CNBD1: variants seen among roughly 807,000 people sequenced by gnomAD.
CNBD1 encodes cyclic nucleotide-binding domain-containing protein 1.
CNBD1 carries 71 observed loss-of-function variants against 54.4 expected under a neutral mutation model. That is an observed-to-expected ratio of 1.30 (90% CI 1.08 to 1.59). CNBD1 has a LOEUF of 1.59. CNBD1 is among the 40% of genes most tolerant of loss of function. The pLI is 0.00. For missense variants in CNBD1, 659 were observed against 518.0 expected, an observed-to-expected ratio of 1.27 and a Z score of -2.64; for synonymous variants, 182 against 170.7, an observed-to-expected ratio of 1.07 and a Z score of -0.51.
chr8:87,254,194 A>T (rs1341041121), intron 6 of CNBD1, among the ~76,000 whole-genome samples: 1 of 152,202 alleles, frequency 6.6e-6, no homozygotes, highest in East Asian at 1.9e-4. Flanking sequence ...AGTGAAGAAC[A>T]GAGACCTGAG....
intron 10 of CNBD1, among the ~76,000 whole-genome samples, chr8:87,358,932 C>G (rs139106871): frequency 1.3e-5 from 2 of 152,196 alleles, no homozygotes; most frequent in African/African-American, 4.8e-5. Flanking sequence ...TATTCAGGCC[C>G]GCAATGGATT....
At chr8:87,198,909 C>T (rs910376090) in intron 4 of CNBD1, among the ~76,000 whole-genome samples, 4 of 152,158 alleles carry the variant, frequency 2.6e-5, no homozygotes, top group African/African-American at 9.7e-5. Context: ...CTGGTGCGGG[C>T]ATCTGCTCAG....
At chr8:87,131,929 G>A (rs546497163) in intron 4 of CNBD1, among the ~76,000 whole-genome samples, 2 of 152,066 alleles carry the variant, frequency 1.3e-5, no homozygotes, top group South Asian at 4.1e-4. Context: ...TATTCTTTGT[G>A]CTAGTTTGTT....
chr8:87,397,523 T>C (rs889864270), intron 2 of CNBD1, among the ~76,000 whole-genome samples: 4 of 151,964 alleles, frequency 2.6e-5, no homozygotes, highest in African/African-American at 9.7e-5. Flanking sequence ...AGATAGTTCA[T>C]GACAAGAGAC....
rs577639259 is a variant in CNBD1 at position 87,242,503 on chromosome 8, G to A, written c.771+5391G>A. Among the ~76,000 whole-genome samples, 224 of 152,086 alleles carry A rather than the reference G, an allele frequency of 1.5e-3. 1 individual carries two copies. The highest frequency in any genetic ancestry group is 6.8e-3 in the Middle Eastern group (2 of 294). ...AATTAACCCTCTTCTATTGATTCAGGGTCTTTAGATAATAGCTTAACTCTT... is the reference window on the plus strand; with the variant it reads ...AATTAACCCTCTTCTATTGATTCAGAGTCTTTAGATAATAGCTTAACTCTT... On this transcript the variant is annotated intron_variant, in intron 6 of 10. Transcript: ENST00000518476.
intron 2 of CNBD1, among the ~76,000 whole-genome samples, chr8:87,402,312 T>C (rs538816365): frequency 6.6e-6 from 1 of 151,864 alleles, no homozygotes; most frequent in South Asian, 2.1e-4. Context: ...GGGGACACAG[T>C]CAAACAATAC....
intron 8 of CNBD1, among the ~76,000 whole-genome samples, chr8:87,347,005 C>T (rs1185236106): frequency 1.3e-5 from 2 of 152,104 alleles, no homozygotes; most frequent in African/African-American, 4.8e-5. Context: ...GGAGCTCTTT[C>T]TCTGAGGTGG....
At chr8:87,327,701 CT>C (rs1413749738) in intron 8 of CNBD1, among the ~76,000 whole-genome samples, 2 of 152,154 alleles carry the variant, frequency 1.3e-5, no homozygotes, top group Non-Finnish European at 2.9e-5. Context: ...CGCCCACTGT[CT>C]GGCACTTCCT....
At chr8:87,071,233 G>A (rs369848210) in intron 4 of CNBD1, among the ~76,000 whole-genome samples, 2 of 152,112 alleles carry the variant, frequency 1.3e-5, no homozygotes, top group African/African-American at 4.8e-5. Flanking sequence ...AAATGAAAAT[G>A]CAATTTTTCA....
chr8:87,303,954 T>G (rs76661032), intron 8 of CNBD1, among the ~76,000 whole-genome samples: 57,351 of 151,348 alleles, frequency 0.38, 11,067 homozygotes, highest in Middle Eastern at 0.45. Context: ...CTCACACCAG[T>G]TAGAATGTCG....
At chr8:87,406,007 C>T (rs894585928) in intron 2 of CNBD1, among the ~76,000 whole-genome samples, 1 of 152,088 alleles carries the variant, frequency 6.6e-6, no homozygotes, top group East Asian at 1.9e-4. Flanking sequence ...ATCTTATTCT[C>T]AATATATTTC....
Position 87,004,542 on chromosome 8 carries a change from T to TA in CNBD1, c.431+64800dup, listed in dbSNP as rs756660574. On this transcript the variant is annotated intron_variant, in intron 4 of 10. Transcript: ENST00000518476. ...CTATTTTTGCAAATTAGTATTTATC[T>TA]AAAAAAAAAAAACCCTGTAATTTTA... Among the ~76,000 whole-genome samples, 1,150 of 141,976 alleles carry TA rather than the reference T, an allele frequency of 8.1e-3. 8 individuals carry two copies. The highest frequency in any genetic ancestry group is 0.02 in the African/African-American group (773 of 38,870). The allele number at this position is 141,976 out of a possible 152,430, so 93.1% of individuals were successfully genotyped here. A position where few individuals can be genotyped will look rare whatever the true frequency, so the allele number is the denominator to read the frequency against.
intron 4 of CNBD1, among the ~76,000 whole-genome samples, chr8:87,115,862 G>T (rs561164947): frequency 2.6e-5 from 4 of 152,064 alleles, no homozygotes; most frequent in Admixed American, 1.3e-4. Flanking sequence ...TTGATTAATC[G>T]ATCCGTTTAC....
At chr8:86,954,436 T>G (rs527689728) in intron 4 of CNBD1, among the ~76,000 whole-genome samples, 21 of 152,330 alleles carry the variant, frequency 1.4e-4, no homozygotes, top group Non-Finnish European at 2.8e-4. Context: ...TCTTTTGAAT[T>G]TAGTCAATAT....
At chr8:87,239,389 A>T (rs190814862) in intron 6 of CNBD1, among the ~76,000 whole-genome samples, 18 of 152,202 alleles carry the variant, frequency 1.2e-4, no homozygotes, top group South Asian at 2.1e-4. Context: ...TTGTGTATTT[A>T]CTTAGTGGGC....
At chr8:87,300,824 T>C (rs1223196266) in intron 8 of CNBD1, among the ~76,000 whole-genome samples, 1 of 152,102 alleles carries the variant, frequency 6.6e-6, no homozygotes, top group Non-Finnish European at 1.5e-5. Context: ...AATTTTAGCA[T>C]AAATTCATTT....
At chr8:87,348,248 T>G (rs1270361450) in intron 8 of CNBD1, among the ~76,000 whole-genome samples, 2 of 152,208 alleles carry the variant, frequency 1.3e-5, no homozygotes, top group African/African-American at 4.8e-5. Context: ...TCTACAGGGC[T>G]ATAAATGCTA....
intron 10 of CNBD1, among the ~76,000 whole-genome samples, chr8:87,378,629 C>CAA (rs1240189988): frequency 6.7e-6 from 1 of 148,238 alleles, no homozygotes; most frequent in African/African-American, 2.5e-5. Context: ...ATTGACTTGG[C>CAA]TCTGCAGGCT....
intron 3 of CNBD1, among the ~76,000 whole-genome samples, chr8:86,933,919 AT>A (rs775378641): frequency 3.9e-5 from 6 of 152,156 alleles, no homozygotes; most frequent in Non-Finnish European, 8.8e-5. Context: ...TGGAATAAAA[AT>A]TAATCCATAA....
Sources: allele counts gnomAD v4.1 joint callset (sites outside exome capture counted in the v4.1 genomes callset), GRCh38; gene constraint gnomAD v4.1.1; transcripts MANE v1.5; gene names NCBI Gene and HGNC (gene_info 2026-07-23, HGNC 2026-07-21).